SEC16B: variants seen among roughly 807,000 people sequenced by gnomAD.
The protein encoded by SEC16B is SEC16 homolog B, endoplasmic reticulum export factor.
In SEC16B, 115 loss-of-function variants were observed where a neutral mutation model predicts 141.8. The ratio of observed to expected loss-of-function variants is 0.81; its 90% CI spans 0.70 to 0.95. The LOEUF (loss-of-function observed/expected upper bound fraction) is 0.95, where lower values mean the gene tolerates loss of function less well. Ranked by LOEUF, SEC16B falls within the 40% of genes least tolerant of loss-of-function variation. SEC16B has a pLI of 0.00. For synonymous variants in SEC16B, 493 were observed against 492.5 expected, an observed-to-expected ratio of 1.00 and a Z score of -0.01; for missense variants, 1,291 against 1,312.3, an observed-to-expected ratio of 0.98 and a Z score of 0.25.
chr1:177,937,305 G>A lies in SEC16B; in HGVS notation c.2412C>T (p.Thr804=). Residue 804 remains threonine (T), a synonymous_variant, in exon 19 of 26, where the codon ACC becomes ACT. Transcript: ENST00000308284. The part of the protein sequence containing the change: ...TPRPFYSVPE[T]HLPGTGSSVA... ...CGCTGCTGCCAGTCCCTGGTAGATGGGTCTCAGGAACTGAGTAAAAAGGCC... is the reference window on the plus strand; with the variant it reads ...CGCTGCTGCCAGTCCCTGGTAGATGAGTCTCAGGAACTGAGTAAAAAGGCC... 1 of 1,613,852 alleles carries A rather than the reference G, an allele frequency of 6.2e-7. No individual in the cohort carries two copies. The highest frequency in any genetic ancestry group is 1.3e-5 in the African/African-American group (1 of 75,008).
rs188568049 is a variant in SEC16B at position 177,980,105 on chromosome 1, T to A, written c.-59+4101A>T. On this transcript the variant is annotated intron_variant and NMD_transcript_variant, in intron 1 of 24. Coordinates refer to the SEC16B transcript ENST00000528461. The stretch of plus-strand genomic sequence containing the variant: ...TTTGTATGCAACACTGCTTCTGTGA[T>A]GTAGTTTCTGTACGAGCTTGCTAGA... 1.0e-3 allele frequency among the ~76,000 whole-genome samples: 158 copies of A among 152,344 alleles called. 2 individuals are homozygous for A. The highest frequency in any genetic ancestry group is 9.5e-3 in the South Asian group (46 of 4,832).
Position 177,929,944 on chromosome 1 carries a change from C to T in SEC16B, c.3112-15G>A, listed in dbSNP as rs1450970632. The stretch of plus-strand genomic sequence containing the variant: ...GCCGTGGGCAGCTGGAAAAGAAGAA[C>T]AAATATTACACTGAGTACAGCCCCA... On this transcript the variant is annotated splice_polypyrimidine_tract_variant and intron_variant, in intron 25 of 25. Transcript: ENST00000308284. 8 of 1,612,960 alleles carry T rather than the reference C, an allele frequency of 5.0e-6. No homozygotes were observed. The highest frequency in any genetic ancestry group is 5.9e-6 in the Non-Finnish European group (7 of 1,179,448).
intron 17 of SEC16B, among the ~76,000 whole-genome samples, chr1:177,940,014 C>T (rs567828398): frequency 7.2e-5 from 11 of 152,164 alleles, no homozygotes; most frequent in African/African-American, 1.2e-4. Context: ...AAGGAAGGAG[C>T]GCATGGAAAG....
In SEC16B at chr1:177,967,807, G is replaced by A. The variant is rs1653665429; in HGVS notation, c.175C>T (p.Gln59Ter). Residue 59 changes from glutamine (Q) to a stop codon, truncating the protein, a stop_gained, in exon 2 of 26, where the codon CAG becomes TAG. Transcript: ENST00000308284. LOFTEE classifies it high-confidence loss of function. ...WQDNRGSPQP[Q>*]QEPRADHQQQ... The stretch of plus-strand genomic sequence containing the variant: ...TGATGGTCTGCCCTGGGCTCCTGCT[G>A]TGGCTGGGGGCTCCCACGGTTGTCT... 1 of 1,614,020 alleles carries A rather than the reference G, an allele frequency of 6.2e-7. No homozygotes were observed. Among genetic ancestry groups the A allele is most frequent in the Non-Finnish European group, 8.5e-7 (1 of 1,179,894 alleles).
In SEC16B at chr1:177,932,541, G is replaced by C; in HGVS notation, c.2961C>G (p.Ser987=). 6.4e-7 allele frequency: 1 copy of C among 1,562,142 alleles called. No individual in the cohort carries two copies. Among genetic ancestry groups the C allele is most frequent in the Non-Finnish European group, 8.7e-7 (1 of 1,153,752 alleles). Residue 987 remains serine (S), a synonymous_variant, in exon 24 of 26, where the codon TCC becomes TCG. Coordinates refer to ENST00000308284, the MANE Select transcript of SEC16B (RefSeq NM_033127.4). The part of the protein sequence containing the change: ...RGGGEGRGSA[S]SGGAAAGAGV... Reference sequence around the variant, plus strand: ...CAGCGCCCGCAGCTGCTCCCCCGCTGGATGCGGATCCTCGGCCTTCACCCC... The same window carrying C: ...CAGCGCCCGCAGCTGCTCCCCCGCTCGATGCGGATCCTCGGCCTTCACCCC...
At chr1:177,946,278 C>G (rs572015513) in intron 14 of SEC16B, 142 bp downstream of exon 14, 3 of 742,118 alleles carry the variant, frequency 4.0e-6, no homozygotes, top group African/African-American at 3.5e-5. Flanking sequence ...CAGACCTGCA[C>G]AGATAACAAT....
At chr1:177,967,535 G>C in intron 2 of SEC16B, 148 bp downstream of exon 2, 1 of 736,612 alleles carries the variant, frequency 1.4e-6, no homozygotes, top group Non-Finnish European at 2.1e-6. Flanking sequence ...TTTGGGAGAG[G>C]ACAGGATTTA....
intron 7 of SEC16B, 67 bp downstream of exon 7, chr1:177,960,724 G>A (rs1444967739): frequency 4.0e-6 from 6 of 1,488,940 alleles, no homozygotes; most frequent in Non-Finnish European, 5.4e-6. Context: ...GGAAAGCAAG[G>A]TAAGCATGTT....
intron 4 of SEC16B, 52 bp downstream of exon 4, chr1:177,964,995 T>G: frequency 6.2e-7 from 1 of 1,600,692 alleles, no homozygotes; most frequent in Non-Finnish European, 8.5e-7. Flanking sequence ...TTGCCCGACA[T>G]AGTCTGAGTT....
In SEC16B at chr1:177,941,954, A is replaced by G. The variant is rs1234314677; in HGVS notation, c.1968T>C (p.Ala656=). The G allele has an allele frequency of 5.6e-6, 9 of 1,613,948 alleles. No individual in the cohort carries two copies. Among genetic ancestry groups the G allele is most frequent in the African/African-American group, 1.3e-5 (1 of 74,954 alleles). The change falls in exon 16 of 26, where the codon GCT becomes GCC. Residue 656 remains alanine, a synonymous_variant. Transcript: ENST00000308284. Reference sequence around the variant, plus strand: ...GACTGCTCTCTCCCTGGCTCAAGACAGCTGCACCAATGGCTTCGCAGTAAT... The same window carrying G: ...GACTGCTCTCTCCCTGGCTCAAGACGGCTGCACCAATGGCTTCGCAGTAAT... ...ALHYCEAIGA[A]VLSQGESSHP...
intron 18 of SEC16B, among the ~76,000 whole-genome samples, chr1:177,939,219 A>T (rs918002921): frequency 6.6e-6 from 1 of 152,198 alleles, no homozygotes; most frequent in African/African-American, 2.4e-5. Flanking sequence ...CTGCCAACAC[A>T]CCATTGGGAA....
At chr1:177,974,981 T>C (rs973651451), upstream of SEC16B, among the ~76,000 whole-genome samples, 2 of 151,978 alleles carry the variant, frequency 1.3e-5, no homozygotes, top group African/African-American at 4.8e-5. Context: ...TGGGCACAGG[T>C]GGAGATAAGT....
intron 1 of SEC16B, among the ~76,000 whole-genome samples, chr1:177,975,636 C>A (rs768341492): frequency 2.0e-4 from 30 of 152,268 alleles, no homozygotes; most frequent in Admixed American, 3.9e-4. Flanking sequence ...TTTAAAAATT[C>A]TTAATCAAAG....
chr1:177,983,241 C>G (rs140246194), intron 1 of SEC16B, among the ~76,000 whole-genome samples: 870 of 152,300 alleles, frequency 5.7e-3, no homozygotes, highest in Non-Finnish European at 8.9e-3. Flanking sequence ...CCCAGAGTGC[C>G]ATATGGTTCA....
chr1:177,934,230 G>A (rs1650673119), intron 20 of SEC16B, among the ~76,000 whole-genome samples: 1 of 151,976 alleles, frequency 6.6e-6, no homozygotes, highest in Non-Finnish European at 1.5e-5. Context: ...TATACACACA[G>A]TGTCGTACAA....
Position 177,933,232 on chromosome 1 carries a change from T to A in SEC16B, c.2805A>T (p.Ser935=). The A allele has an allele frequency of 6.3e-7, 1 of 1,587,224 alleles. No homozygotes were observed. Among genetic ancestry groups the A allele is most frequent in the Non-Finnish European group, 8.6e-7 (1 of 1,166,502 alleles). The change falls in exon 22 of 26, where the codon TCA becomes TCT. Residue 935 remains serine, a synonymous_variant. Coordinates refer to ENST00000308284, the MANE Select transcript of SEC16B (RefSeq NM_033127.4). ...AGCCTACCTCAGAGTCAGGGCTGTCTGAGGAGTCCTCGTCTCCAGCGGGGG... is the reference window on the plus strand; with the variant it reads ...AGCCTACCTCAGAGTCAGGGCTGTCAGAGGAGTCCTCGTCTCCAGCGGGGG... The part of the protein sequence containing the change: ...NASPAGDEDS[S]DSPDSEETPR...
chr1:177,947,854 C>A lies in SEC16B; in HGVS notation c.1634G>T (p.Arg545Leu). 1 of 1,557,696 alleles carries A rather than the reference C, an allele frequency of 6.4e-7. No individual in the cohort carries two copies. Among genetic ancestry groups the A allele is most frequent in the African/African-American group, 1.4e-5 (1 of 73,256 alleles). ...NQAGDPELYQRAIVAIGDTLA... is the reference protein window; with the variant it reads ...NQAGDPELYQLAIVAIGDTLA... ...GGTGTCCCCAATGGCAACAATCGCA[C>A]GCTGATACAGCTCTGGGTCCCCAGC... The change falls in exon 13 of 26, where the codon CGT becomes CTT. Residue 545 changes from arginine (R) to leucine (L), a missense_variant. Physicochemically the swap from Arg to Leu is moderately radical, Grantham distance 102. Around this residue, in one of 3 missense-constraint regions of SEC16B, gnomAD observed 681 missense variants for 675.5 expected, o/e 1.01. Coordinates refer to ENST00000308284, the MANE Select transcript of SEC16B (RefSeq NM_033127.4).
At position 177,964,287 on chromosome 1, in the gene SEC16B, A is replaced by C. The variant is rs771050751; in HGVS notation, c.534-8T>G. On this transcript the variant is annotated splice_region_variant and splice_polypyrimidine_tract_variant and intron_variant, in intron 4 of 25. Coordinates refer to ENST00000308284, the MANE Select transcript of SEC16B (RefSeq NM_033127.4). ...GGGTTCCTACTGTTAGATCTGCAGC[A>C]AAATGACAGGAGCAGTGAGCGGGGT... The C allele has an allele frequency of 6.2e-7, 1 of 1,605,918 alleles. No homozygotes were observed. Among genetic ancestry groups the C allele is most frequent in the Non-Finnish European group, 8.5e-7 (1 of 1,173,862 alleles).
Position 177,929,865 on chromosome 1 carries a change from G to A in SEC16B, c.3176C>T (p.Pro1059Leu), listed in dbSNP as rs749964245. The change falls in exon 26 of 26, where the codon CCA becomes CTA. Residue 1059 changes from proline to leucine, a missense_variant. Pro to Leu is a moderately conservative substitution (Grantham distance 98). Coordinates refer to ENST00000308284, the MANE Select transcript of SEC16B (RefSeq NM_033127.4). ...RLAQRRYPTQ[P>L]C ...TGGGACGTGTGTTTATTCTCAGCAT[G>A]GCTGGGTGGGATAGCGACGCTGAGC... 2 of 1,613,788 alleles carry A rather than the reference G, an allele frequency of 1.2e-6. No homozygotes were observed. Among genetic ancestry groups the A allele is most frequent in the African/African-American group, 1.3e-5 (1 of 74,920 alleles).
Sources: allele counts gnomAD v4.1 joint callset (sites outside exome capture counted in the v4.1 genomes callset), GRCh38; gene constraint gnomAD v4.1.1; regional missense constraint gnomAD v4.1.1; transcripts MANE v1.5; gene names NCBI Gene and HGNC (gene_info 2026-07-23, HGNC 2026-07-21).